Variants in NPLOC4 observed in about 807,000 individuals in gnomAD.
The protein encoded by NPLOC4 is NPL4 homolog, ubiquitin recognition factor, also known as nuclear protein localization protein 4 homolog.
Under a neutral mutation model 80.6 loss-of-function variants are expected in NPLOC4, and 18 were observed. The ratio of observed to expected loss-of-function variants is 0.22; its 90% confidence interval spans 0.15 to 0.33. The LOEUF (loss-of-function observed/expected upper bound fraction) is 0.33, where lower values mean the gene tolerates loss of function less well. NPLOC4 is among the 10% of genes least tolerant of loss of function. NPLOC4 has a pLI of 1.00. For missense variants in NPLOC4, 540 were observed against 786.1 expected (o/e 0.69, Z 3.74); for synonymous variants, 313 against 301.5 (o/e 1.04, Z -0.39).
At chr17:81,611,343 T>A (rs1044458023) in intron 4 of NPLOC4, among the ~76,000 whole-genome samples, 1 of 141,082 alleles carries the variant, frequency 7.1e-6, no homozygotes, top group African/African-American at 2.9e-5. Context: ...AATAAAATAG[T>A]TTTTTTTTTG....
rs555836020 is a variant in NPLOC4, at chr17:81,604,746, T to C, written c.655-19A>G. 1 of 1,592,928 alleles carries C rather than the reference T, an allele frequency of 6.3e-7. No homozygotes were observed. The highest frequency in any genetic ancestry group is 1.3e-5 in the African/African-American group (1 of 74,192). ...TGTACTTCTGTAGAGTTAACAAGAGTGGGCTGATGAAAACATGCCATCAAA... is the reference window on the plus strand; with the variant it reads ...TGTACTTCTGTAGAGTTAACAAGAGCGGGCTGATGAAAACATGCCATCAAA... On this transcript the variant is annotated intron_variant, in intron 7 of 16. Coordinates refer to ENST00000331134, the MANE Select transcript of NPLOC4 (RefSeq NM_017921.4).
chr17:81,570,439 G>T (rs1222452440), intron 13 of NPLOC4, among the ~76,000 whole-genome samples: 1 of 152,230 alleles, frequency 6.6e-6, no homozygotes, highest in Non-Finnish European at 1.5e-5. Flanking sequence ...CCTTGGGAAG[G>T]CCTAGAAATG....
intron 12 of NPLOC4, among the ~76,000 whole-genome samples, chr17:81,576,260 AG>A (rs1291876171): frequency 2.2e-4 from 33 of 152,228 alleles, no homozygotes; most frequent in African/African-American, 2.4e-5. Flanking sequence ...GCACGGAAAG[AG>A]TATGTAGGTA....
chr17:81,563,006 T>C (rs1420831005), intron 16 of NPLOC4: 4 of 150,602 alleles, frequency 2.7e-5, no homozygotes, highest in African/African-American at 9.8e-5. Context: ...CTCAGCACTT[T>C]GGGAACCAAG....
chr17:81,601,450 G>A (rs569342132), intron 8 of NPLOC4, among the ~76,000 whole-genome samples: 11 of 152,286 alleles, frequency 7.2e-5, no homozygotes, highest in African/African-American at 2.4e-4. Flanking sequence ...TAGTAGAAAC[G>A]GGGTTTTGCC....
chr17:81,613,518 T>C (rs377264812), intron 3 of NPLOC4, 24 bp from the exon 4 acceptor site: 24 of 1,597,768 alleles, frequency 1.5e-5, no homozygotes, highest in Non-Finnish European at 1.8e-5. Context: ...AAACAGAGGC[T>C]GATGCCTTCC....
intron 11 of NPLOC4, among the ~76,000 whole-genome samples, chr17:81,592,994 A>C (rs2034792210): frequency 6.6e-6 from 1 of 152,182 alleles, no homozygotes; most frequent in African/African-American, 2.4e-5. Context: ...AAAAATTAAA[A>C]ATAAAAATAA....
Position 81,589,021 on chromosome 17 carries a change from G to A in NPLOC4, c.1204C>T (p.Pro402Ser). The A allele has an allele frequency of 6.2e-7, 1 of 1,613,908 alleles. No individual in the cohort carries two copies. The highest frequency in any genetic ancestry group is 2.2e-5 in the East Asian group (1 of 44,878). ...CCAAGCTCCGGGGCGTCCTTGCATG[G>A]CAGCAAACACTCATCACGGACCAGT... ...MALVRDECLL[P>S]CKDAPELGYA... Residue 402 changes from proline (P) to serine (S), a missense_variant, in exon 12 of 17, where the codon CCA becomes TCA. By Grantham distance (74) the Pro-to-Ser change is moderately conservative. Coordinates refer to ENST00000331134, the MANE Select transcript of NPLOC4 (RefSeq NM_017921.4).
At chr17:81,591,948 T>C (rs1363450325) in intron 11 of NPLOC4, among the ~76,000 whole-genome samples, 1 of 151,972 alleles carries the variant, frequency 6.6e-6, no homozygotes, top group Non-Finnish European at 1.5e-5. Context: ...CAGCCCAGTG[T>C]GTGGGGTAAG....
intron 1 of NPLOC4, among the ~76,000 whole-genome samples, chr17:81,631,632 A>G (rs1287967391): frequency 6.6e-6 from 1 of 151,982 alleles, no homozygotes; most frequent in African/African-American, 2.4e-5. Context: ...ATGACATGGC[A>G]TGCTCTGCAG....
At chr17:81,624,796 C>T (rs188372646) in intron 2 of NPLOC4, among the ~76,000 whole-genome samples, 10 of 152,192 alleles carry the variant, frequency 6.6e-5, no homozygotes, top group African/African-American at 1.7e-4. Context: ...CCGCCACACG[C>T]GAGCTGGGAG....
chr17:81,587,183 G>A (rs1408731186), intron 12 of NPLOC4, among the ~76,000 whole-genome samples: 1 of 152,230 alleles, frequency 6.6e-6, no homozygotes, highest in Non-Finnish European at 1.5e-5. Flanking sequence ...AACATTAAAA[G>A]TTAATATGGG....
chr17:81,635,008 T>C (rs560952233), intron 1 of NPLOC4, among the ~76,000 whole-genome samples: 5 of 152,136 alleles, frequency 3.3e-5, no homozygotes, highest in East Asian at 1.9e-4. Context: ...CTGTACAACA[T>C]AGTAGAGACC....
At chr17:81,591,231 TCAAGAC>T (rs1355818602) in intron 11 of NPLOC4, among the ~76,000 whole-genome samples, 1 of 151,892 alleles carries the variant, frequency 6.6e-6, no homozygotes, top group Admixed American at 6.6e-5. Flanking sequence ...GGTCAGGAGT[TCAAGAC>T]CAGCCTGGAA....
chr17:81,626,552 A>T (rs993235633), intron 2 of NPLOC4, among the ~76,000 whole-genome samples: 2 of 152,148 alleles, frequency 1.3e-5, no homozygotes, highest in Non-Finnish European at 2.9e-5. Flanking sequence ...TCAAATGCTC[A>T]ACAGGACCAG....
rs1430543708 is a variant in NPLOC4, at chr17:81,567,835, C to CT, written c.1450-303dup. The CT allele has an allele frequency of 3.9e-6, 1 of 256,922 alleles. No homozygotes were observed. The highest frequency in any genetic ancestry group is 7.6e-6 in the Non-Finnish European group (1 of 132,382). 15.9% of individuals were successfully genotyped at this position (256,922 alleles called of 1,614,324 possible). A position where few individuals can be genotyped will look rare whatever the true frequency, so the allele number is the denominator to read the frequency against. ...GGAGGCTAACACAGTAATTCCAGCA[C>CT]TTTTTAGGAGGCCGAGGCAGGCAGG... is the stretch of plus-strand genomic sequence containing the variant. On this transcript the variant is annotated intron_variant, in intron 14 of 16. Coordinates refer to ENST00000331134, the MANE Select transcript of NPLOC4 (RefSeq NM_017921.4). This position sits in a 1 kb window ranked among gnomAD's most constrained non-coding sequence, Gnocchi z 4.5.
rs1456221268 is a variant in NPLOC4, at chr17:81,597,296, G to A, written c.942C>T (p.Asp314=). The A allele has an allele frequency of 1.9e-6, 3 of 1,613,340 alleles. No individual in the cohort carries two copies. The African/African-American group carries it at 4.0e-5, about 22-fold the overall frequency. The change falls in exon 10 of 17, where the codon GAC becomes GAT. Residue 314 remains aspartate, a synonymous_variant. Transcript: ENST00000331134. ...CCTTTCGGGTATCTTCTGAGACGAG[G>A]TCTGTAAATATCCAGCCAACCTTAA... ...GLRKVGWIFT[D]LVSEDTRKGT... is the part of the protein sequence containing the mutation.
chr17:81,580,954 C>T lies in NPLOC4; in HGVS notation c.1281+7990G>A, dbSNP rs1435875649. Among the ~76,000 whole-genome samples the T allele has an allele frequency of 2.0e-5, 3 of 152,172 alleles. No individual in the cohort carries two copies. The highest frequency in any genetic ancestry group is 6.5e-5 in the Admixed American group (1 of 15,280). ...AGCTGGGGGCCTGGGAGAGACATGG[C>T]ATGGAAGTACAAAATCCCCAGTGGC... On this transcript the variant is annotated intron_variant, in intron 12 of 16. Coordinates refer to ENST00000331134, the MANE Select transcript of NPLOC4 (RefSeq NM_017921.4). This position sits in a 1 kb window ranked among gnomAD's most constrained non-coding sequence, Gnocchi z 4.4.
At chr17:81,560,841 C>A (rs2033829118) in intron 16 of NPLOC4, 2 of 152,216 alleles carry the variant, frequency 1.3e-5, no homozygotes, top group Non-Finnish European at 2.9e-5. Context: ...GTACGAGAGT[C>A]CCAGCTGCTT....
Sources: gnomAD v4.1 joint callset for allele counts (sites outside exome capture counted in the v4.1 genomes callset) on GRCh38, gnomAD v4.1.1 for gene constraint, Gnocchi (gnomAD v3.1) non-coding constraint, MANE v1.5 for transcripts, NCBI Gene and HGNC (gene_info 2026-07-23, HGNC 2026-07-21) for gene names.